ADAMTSL1: variants seen among roughly 807,000 people sequenced by gnomAD.
ADAMTSL1 encodes the protein ADAMTS like 1.
ADAMTSL1 carries 126 observed loss-of-function variants against 201.8 expected under a neutral mutation model. That is an observed-to-expected ratio of 0.62 (90% CI 0.54 to 0.72). The LOEUF is 0.72. Ranked by LOEUF, ADAMTSL1 falls within the 30% of genes least tolerant of loss-of-function variation. The pLI is 0.00. For synonymous variants in ADAMTSL1, 1,121 were observed against 903.4 expected (o/e 1.24, Z -4.32); for missense variants, 2,679 against 2,277.8 (o/e 1.18, Z -3.59).
chr9:18,586,443 A>T (rs966028119), intron 4 of ADAMTSL1, among the ~76,000 whole-genome samples: 1 of 152,194 alleles, frequency 6.6e-6, no homozygotes, highest in African/African-American at 2.4e-5. Context: ...AAAATCAGAG[A>T]TAACACAAAC....
At chr9:18,516,001 C>G (rs192528559) in intron 2 of ADAMTSL1, among the ~76,000 whole-genome samples, 348 of 150,890 alleles carry the variant, frequency 2.3e-3, no homozygotes, top group African/African-American at 8.1e-3. Context: ...AGTCATTAAA[C>G]TTCCTATCCA....
chr9:18,079,668 C>T lies in ADAMTSL1; in HGVS notation c.88-84194C>T, dbSNP rs753650144. Among the ~76,000 whole-genome samples, 31 of 146,694 alleles carry T rather than the reference C, an allele frequency of 2.1e-4. 1 individual carries two copies. The highest frequency in any genetic ancestry group is 3.6e-3 in the Middle Eastern group (1 of 276). ...CTGCACTCCAGTCTGGGAGACAGAGCGAGACTCTGTCTCAAAATAAATAAA... is the reference window on the plus strand; with the variant it reads ...CTGCACTCCAGTCTGGGAGACAGAGTGAGACTCTGTCTCAAAATAAATAAA... On this transcript the variant is annotated intron_variant, in intron 1 of 29. Transcript: ENST00000680146.
At chr9:18,471,397 TCA>T (rs111357325), upstream of ADAMTSL1, among the ~76,000 whole-genome samples, 1 of 152,204 alleles carries the variant, frequency 6.6e-6, no homozygotes, top group African/African-American at 2.4e-5. Flanking sequence ...TCTCTGAGCC[TCA>T]GTTTCCACGT....
intron 1 of ADAMTSL1, among the ~76,000 whole-genome samples, chr9:18,088,602 A>G (rs905411552): frequency 2.0e-5 from 3 of 152,314 alleles, no homozygotes; most frequent in East Asian, 1.9e-4. Flanking sequence ...AATACATACA[A>G]ATGATCAACA....
intron 16 of ADAMTSL1, 122 bp from the exon 17 acceptor site, chr9:18,770,480 T>C: frequency 9.4e-7 from 1 of 1,069,514 alleles, no homozygotes; most frequent in East Asian, 2.6e-5. Context: ...ATTCCTGGTT[T>C]TTCTTCTTCT....
intron 15 of ADAMTSL1, among the ~76,000 whole-genome samples, chr9:18,746,952 A>T (rs1819182647): frequency 6.6e-6 from 1 of 152,126 alleles, no homozygotes; most frequent in Non-Finnish European, 1.5e-5. Flanking sequence ...TGCCAAGTAC[A>T]CTGCTGCTTT....
chr9:18,177,145 T>C (rs1408681994), intron 2 of ADAMTSL1, among the ~76,000 whole-genome samples: 1 of 152,222 alleles, frequency 6.6e-6, no homozygotes. Flanking sequence ...GTAGGACCAG[T>C]TACCAGTGCT....
intron 2 of ADAMTSL1, among the ~76,000 whole-genome samples, chr9:18,192,692 A>G (rs1002045949): frequency 3.3e-5 from 5 of 152,154 alleles, no homozygotes; most frequent in Non-Finnish European, 7.4e-5. Context: ...CACTTTTACT[A>G]GACTCAAAAA....
chr9:18,421,066 T>C (rs1818922283), intron 2 of ADAMTSL1, among the ~76,000 whole-genome samples: 1 of 152,106 alleles, frequency 6.6e-6, no homozygotes, highest in Non-Finnish European at 1.5e-5. Context: ...AGTTGAAGCC[T>C]TTCCAGTAGA....
intron 2 of ADAMTSL1, among the ~76,000 whole-genome samples, chr9:18,506,236 C>T (rs1023754254): frequency 4.7e-4 from 72 of 152,198 alleles, no homozygotes; most frequent in Admixed American, 4.7e-3. Context: ...CACCTGCTCT[C>T]TTAATCTTGA....
At chr9:18,275,058 G>C (rs1587447455) in intron 2 of ADAMTSL1, among the ~76,000 whole-genome samples, 1 of 152,146 alleles carries the variant, frequency 6.6e-6, no homozygotes. Context: ...CCAACCCAAT[G>C]ATTTGAAGAC....
intron 23 of ADAMTSL1, among the ~76,000 whole-genome samples, chr9:18,868,388 G>A (rs1827674523): frequency 6.6e-6 from 1 of 152,188 alleles, no homozygotes; most frequent in Non-Finnish European, 1.5e-5. Flanking sequence ...GGTCAGTGCA[G>A]ATTTTACATC....
At chr9:18,350,045 A>T (rs932918808) in intron 2 of ADAMTSL1, among the ~76,000 whole-genome samples, 1 of 151,996 alleles carries the variant, frequency 6.6e-6, no homozygotes, top group Non-Finnish European at 1.5e-5. Context: ...GAGCACAGCC[A>T]GAAATGGAAA....
Position 18,826,242 on chromosome 9 carries a change from G to T in ADAMTSL1, c.3935-42G>T, listed in dbSNP as rs770152699. 1.5e-5 allele frequency: 24 copies of T among 1,554,420 alleles called. No individual in the cohort carries two copies. In the Admixed American group the frequency reaches 4.1e-4, roughly 27 times the overall value. On this transcript the variant is annotated intron_variant, in intron 21 of 28. Transcript: ENST00000380548. ...CCTCTGGGCTCACCTGAATGTGTTT[G>T]ACTGATGAGTGGGGTTTTTTGTTTT...
In ADAMTSL1 at chr9:18,340,591, G is replaced by A. The variant is rs1294984017; in HGVS notation, c.208-164238G>A. Among the ~76,000 whole-genome samples, 3 of 152,046 alleles carry A rather than the reference G, an allele frequency of 2.0e-5. No individual in the cohort carries two copies. In the South Asian group the frequency reaches 6.2e-4, roughly 32 times the overall value. On this transcript the variant is annotated intron_variant, in intron 2 of 29. Transcript: ENST00000680146. ...CCCTACCCAACTCTCACCTTTAATT[G>A]TAGTAATCTCCATGTGTTGTGGGAG... is the stretch of plus-strand genomic sequence containing the variant.
intron 1 of ADAMTSL1, among the ~76,000 whole-genome samples, chr9:18,041,730 G>A (rs1263840031): frequency 6.6e-6 from 1 of 151,996 alleles, no homozygotes; most frequent in Non-Finnish European, 1.5e-5. Flanking sequence ...CAATTGATAT[G>A]AAAATCATGA....
At chr9:17,974,383 G>A (rs150710617) in intron 1 of ADAMTSL1, among the ~76,000 whole-genome samples, 121 of 152,128 alleles carry the variant, frequency 8.0e-4, no homozygotes, top group African/African-American at 2.8e-3. Context: ...AAGCTGATAA[G>A]CAACTTCAGC....
At chr9:17,956,140 C>G (rs563286883) in intron 1 of ADAMTSL1, among the ~76,000 whole-genome samples, 1 of 152,138 alleles carries the variant, frequency 6.6e-6, no homozygotes, top group South Asian at 2.1e-4. Context: ...AATACTTTAA[C>G]AGAAATTTAC....
intron 9 of ADAMTSL1, among the ~76,000 whole-genome samples, chr9:18,662,581 A>G (rs772095469): frequency 2.0e-5 from 3 of 152,194 alleles, no homozygotes; most frequent in Non-Finnish European, 4.4e-5. Flanking sequence ...GCCTTTGAAC[A>G]TACTCAGTCT....
Sources: allele counts gnomAD v4.1 joint callset (sites outside exome capture counted in the v4.1 genomes callset), GRCh38; gene constraint gnomAD v4.1.1; transcripts MANE v1.5; gene names NCBI Gene and HGNC (gene_info 2026-07-23, HGNC 2026-07-21).